Variants in SLC25A21 observed in about 807,000 individuals in gnomAD.
SLC25A21 encodes mitochondrial 2-oxodicarboxylate carrier.
A neutral mutation model predicts 43.8 loss-of-function variants in SLC25A21; 47 were observed. The observed-to-expected ratio is 1.07, with a 90% CI of 0.85 to 1.37. The LOEUF (loss-of-function observed/expected upper bound fraction) is 1.37. Ranked by LOEUF, SLC25A21 falls within the 40% of genes most tolerant of loss-of-function variation. SLC25A21 has a pLI of 0.00. For synonymous variants in SLC25A21, 131 were observed against 121.3 expected, an observed-to-expected ratio of 1.08 and a Z score of -0.52; for missense variants, 352 against 350.2, an observed-to-expected ratio of 1.00 and a Z score of -0.04.
chr14:36,856,783 T>G (rs1457636857), intron 2 of SLC25A21, among the ~76,000 whole-genome samples: 2 of 152,138 alleles, frequency 1.3e-5, no homozygotes, highest in African/African-American at 4.8e-5. Context: ...TGGAGGGGCA[T>G]GAAGGAGACA....
chr14:37,008,041 A>C (rs2138734659), intron 1 of SLC25A21, among the ~76,000 whole-genome samples: 1 of 151,986 alleles, frequency 6.6e-6, no homozygotes, highest in East Asian at 1.9e-4. Flanking sequence ...CGGCTGGCTA[A>C]TTTTGTATTT....
intron 1 of SLC25A21, among the ~76,000 whole-genome samples, chr14:37,123,471 C>T (rs1963246364): frequency 6.6e-6 from 1 of 152,154 alleles, no homozygotes; most frequent in African/African-American, 2.4e-5. Flanking sequence ...CCAGATACTC[C>T]CTCTGACTAA....
intron 1 of SLC25A21, among the ~76,000 whole-genome samples, chr14:37,112,366 A>C (rs987959452): frequency 6.6e-6 from 1 of 152,202 alleles, no homozygotes; most frequent in Non-Finnish European, 1.5e-5. Context: ...ATAAGCACAA[A>C]AGAGTAAGAA....
chr14:36,822,240 T>C (rs1279257780), intron 2 of SLC25A21, among the ~76,000 whole-genome samples: 3 of 152,244 alleles, frequency 2.0e-5, no homozygotes, highest in Non-Finnish European at 4.4e-5. Flanking sequence ...AAAATAATGC[T>C]AACAAGTCCA....
chr14:36,931,883 CA>C (rs1180061823), intron 1 of SLC25A21, among the ~76,000 whole-genome samples: 2 of 152,050 alleles, frequency 1.3e-5, no homozygotes, highest in African/African-American at 4.8e-5. Flanking sequence ...AATTAATTTC[CA>C]ACGATTTCTG....
intron 1 of SLC25A21, among the ~76,000 whole-genome samples, chr14:36,968,500 C>A (rs1185840788): frequency 6.6e-6 from 1 of 152,220 alleles, no homozygotes. Flanking sequence ...GAAGTCTTTT[C>A]TCTTTTCAGA....
At chr14:37,043,940 G>GTTTTGTT (rs747798388) in intron 1 of SLC25A21, among the ~76,000 whole-genome samples, 144 of 56,784 alleles carry the variant, frequency 2.5e-3, no homozygotes, top group Admixed American at 7.1e-3. Flanking sequence ...ATGTTTTTTT[G>GTTTTGTT]TTTTTTTTTT....
At chr14:36,868,471 C>T (rs1890274874) in intron 2 of SLC25A21, among the ~76,000 whole-genome samples, 1 of 152,184 alleles carries the variant, frequency 6.6e-6, no homozygotes, top group South Asian at 2.1e-4. Flanking sequence ...CCTCTGCTAA[C>T]ATTAGGTCTA....
At chr14:36,916,989 G>A (rs1468995296) in intron 1 of SLC25A21, among the ~76,000 whole-genome samples, 4 of 151,880 alleles carry the variant, frequency 2.6e-5, no homozygotes, top group Admixed American at 6.6e-5. Flanking sequence ...AGCCTTTAGA[G>A]CCTAGGATTT....
chr14:37,021,733 G>A (rs1474816844), intron 1 of SLC25A21, among the ~76,000 whole-genome samples: 1 of 151,870 alleles, frequency 6.6e-6, no homozygotes, highest in Non-Finnish European at 1.5e-5. Flanking sequence ...ATAAGTTTCA[G>A]GAAAAGAGCT....
rs1963800852 is a variant in SLC25A21, at chr14:37,153,830, G to A, written c.70+18451C>T. Among the ~76,000 whole-genome samples the A allele has an allele frequency of 2.0e-5, 3 of 152,104 alleles. No individual in the cohort carries two copies. The South Asian group carries it at 6.2e-4, about 32-fold the overall frequency. On this transcript the variant is annotated intron_variant, in intron 1 of 9. Coordinates refer to ENST00000331299, the MANE Select transcript of SLC25A21 (RefSeq NM_030631.4). ...GAGCACATAGCCCAGGGTCTCGACT[G>A]CTATCTCCTCAGCTGACCTATCTGC...
At chr14:36,940,594 G>A (rs1372207657) in intron 1 of SLC25A21, among the ~76,000 whole-genome samples, 1 of 151,972 alleles carries the variant, frequency 6.6e-6, no homozygotes, top group African/African-American at 2.4e-5. Context: ...AATAAAATAA[G>A]TCAGAAAGTT....
At chr14:36,736,166 ACC>A (rs1885032208) in intron 3 of SLC25A21, among the ~76,000 whole-genome samples, 2 of 152,038 alleles carry the variant, frequency 1.3e-5, no homozygotes, top group East Asian at 3.9e-4. Context: ...CGATCTCCTG[ACC>A]TCGTGATCCG....
At chr14:36,929,405 G>A (rs925565862) in intron 1 of SLC25A21, among the ~76,000 whole-genome samples, 1 of 152,154 alleles carries the variant, frequency 6.6e-6, no homozygotes, top group African/African-American at 2.4e-5. Context: ...TGTTTTTAAT[G>A]TGTTTTTATT....
chr14:36,957,629 C>A (rs896405174), intron 1 of SLC25A21, among the ~76,000 whole-genome samples: 1 of 152,196 alleles, frequency 6.6e-6, no homozygotes, highest in Non-Finnish European at 1.5e-5. Context: ...AAAATCCCCA[C>A]ATTTGAGAAA....
At chr14:37,136,523 C>A (rs917386331) in intron 1 of SLC25A21, among the ~76,000 whole-genome samples, 1 of 152,014 alleles carries the variant, frequency 6.6e-6, no homozygotes, top group Admixed American at 6.6e-5. Flanking sequence ...AATATTTCAA[C>A]AATCTGGAAA....
intron 1 of SLC25A21, among the ~76,000 whole-genome samples, chr14:36,941,900 C>A (rs1261481577): frequency 6.6e-6 from 1 of 151,572 alleles, no homozygotes; most frequent in Non-Finnish European, 1.5e-5. Flanking sequence ...TTTAAATAAA[C>A]TTAGAACATG....
At chr14:36,957,114 A>G (rs942910316) in intron 1 of SLC25A21, among the ~76,000 whole-genome samples, 14 of 152,242 alleles carry the variant, frequency 9.2e-5, no homozygotes, top group African/African-American at 3.1e-4. Flanking sequence ...GTGGGTCACA[A>G]AAGAAAGTCC....
intron 1 of SLC25A21, among the ~76,000 whole-genome samples, chr14:37,035,271 T>C (rs974302659): frequency 6.6e-6 from 1 of 152,224 alleles, no homozygotes; most frequent in Non-Finnish European, 1.5e-5. Flanking sequence ...CTAGTCCATC[T>C]TTTGGACTGG....
Sources: allele counts gnomAD v4.1 joint callset (sites outside exome capture counted in the v4.1 genomes callset), GRCh38; gene constraint gnomAD v4.1.1; transcripts MANE v1.5; gene names NCBI Gene and HGNC (gene_info 2026-07-23, HGNC 2026-07-21).